MCC: variants seen among roughly 807,000 people sequenced by gnomAD.
The protein encoded by MCC is colorectal mutant cancer protein.
Under a neutral mutation model 116.2 loss-of-function variants are expected in MCC, and 90 were observed. That is an observed-to-expected ratio of 0.77 (90% CI 0.65 to 0.92). The LOEUF is 0.92. MCC is among the 40% of genes least tolerant of loss of function. MCC has a pLI of 0.00. For missense variants in MCC, 1,516 were observed against 1,312.2 expected, an observed-to-expected ratio of 1.16 and a Z score of -2.40; for synonymous variants, 578 against 510.5, an observed-to-expected ratio of 1.13 and a Z score of -1.78.
intron 13 of MCC, among the ~76,000 whole-genome samples, chr5:113,067,541 G>A (rs559050283): frequency 6.6e-6 from 1 of 152,334 alleles, no homozygotes; most frequent in South Asian, 2.1e-4. Flanking sequence ...GGAGGCTGAG[G>A]CAGGAGGATG....
chr5:113,361,032 T>C (rs1325086598), intron 2 of MCC, among the ~76,000 whole-genome samples: 1 of 152,238 alleles, frequency 6.6e-6, no homozygotes, highest in East Asian at 1.9e-4. Flanking sequence ...ATTTCTCATT[T>C]GGGACAAGAC....
chr5:113,415,190 G>T (rs1392672166), intron 1 of MCC, among the ~76,000 whole-genome samples: 1 of 152,138 alleles, frequency 6.6e-6, no homozygotes, highest in East Asian at 1.9e-4. Flanking sequence ...CTCTCTGGCT[G>T]CCCTTAACAT....
intron 1 of MCC, among the ~76,000 whole-genome samples, chr5:113,411,766 T>G (rs1769999366): frequency 6.6e-6 from 1 of 152,232 alleles, no homozygotes; most frequent in South Asian, 2.1e-4. Context: ...GCAGAAGCTC[T>G]TTAGTTTAAT....
At chr5:113,215,012 T>C (rs73244752) in intron 3 of MCC, among the ~76,000 whole-genome samples, 61 of 138,946 alleles carry the variant, frequency 4.4e-4, no homozygotes, top group African/African-American at 2.0e-3. Context: ...TTTCCCTTAC[T>C]TGGAACACAA....
chr5:113,221,597 T>C (rs1298978012), intron 3 of MCC, among the ~76,000 whole-genome samples: 1 of 152,240 alleles, frequency 6.6e-6, no homozygotes, highest in Non-Finnish European at 1.5e-5. Context: ...ATATTACTAT[T>C]GTAAAACCTA....
chr5:113,474,352 A>C (rs139918639), intron 1 of MCC, among the ~76,000 whole-genome samples: 1 of 152,186 alleles, frequency 6.6e-6, no homozygotes, highest in Non-Finnish European at 1.5e-5. Flanking sequence ...CTAGAAAAAA[A>C]TGAGAGGGTG....
intron 1 of MCC, among the ~76,000 whole-genome samples, chr5:113,481,465 G>C (rs191536861): frequency 1.3e-5 from 2 of 152,010 alleles, no homozygotes; most frequent in Non-Finnish European, 2.9e-5. Flanking sequence ...TTGGCCAGGC[G>C]CGGTGGCTCA....
chr5:113,073,121 G>A (rs1019249932), intron 11 of MCC, among the ~76,000 whole-genome samples: 1 of 150,754 alleles, frequency 6.6e-6, no homozygotes, highest in Non-Finnish European at 1.5e-5. Flanking sequence ...ATTTGTGTTA[G>A]TGTATTTTAT....
At chr5:113,364,193 T>A (rs10061331) in intron 2 of MCC, among the ~76,000 whole-genome samples, 1 of 140,392 alleles carries the variant, frequency 7.1e-6, no homozygotes, top group African/African-American at 2.6e-5. Flanking sequence ...ATTGCGTCAC[T>A]GCACTCCAGC....
At chr5:113,481,790 A>ATAT (rs1772385010) in intron 1 of MCC, among the ~76,000 whole-genome samples, 1 of 152,194 alleles carries the variant, frequency 6.6e-6, no homozygotes, top group South Asian at 2.1e-4. Flanking sequence ...TTGTTGAGTT[A>ATAT]TATAATTCAT....
rs114458329 is a variant in MCC at position 113,359,950 on chromosome 5, T to C, written c.416-19220A>G. ...GATTGCATTTTGGATCAATTTATCT[T>C]TCTCTTACAAGGCATATTAATGGAA... On this transcript the variant is annotated intron_variant, in intron 2 of 18. Transcript: ENST00000408903. 2.5e-3 allele frequency among the ~76,000 whole-genome samples: 387 copies of C among 152,334 alleles called. 2 individuals carry two copies. Among genetic ancestry groups the C allele is most frequent in the African/African-American group, 9.0e-3 (374 of 41,580 alleles).
intron 5 of MCC, among the ~76,000 whole-genome samples, chr5:113,142,186 C>A (rs570330854): frequency 6.8e-6 from 1 of 147,100 alleles, no homozygotes; most frequent in Non-Finnish European, 1.6e-5. Flanking sequence ...GGTGTTGGAA[C>A]AAAATGCATC....
chr5:113,055,051 G>T (rs969726160), intron 14 of MCC, among the ~76,000 whole-genome samples: 1 of 152,232 alleles, frequency 6.6e-6, no homozygotes, highest in Non-Finnish European at 1.5e-5. Flanking sequence ...TCTGAAGATG[G>T]CAGAGGAAAA....
intron 1 of MCC, among the ~76,000 whole-genome samples, chr5:113,429,367 C>G (rs1283386651): frequency 6.6e-6 from 1 of 152,032 alleles, no homozygotes; most frequent in Non-Finnish European, 1.5e-5. Context: ...AGCACATTAG[C>G]CAGCATCAAC....
At position 113,455,512 on chromosome 5, in the gene MCC, T is replaced by C. The variant is rs184465276; in HGVS notation, c.170+32733A>G. On this transcript the variant is annotated intron_variant, in intron 1 of 18. Coordinates refer to ENST00000408903, the MANE Select transcript of MCC (RefSeq NM_001085377.2). The stretch of plus-strand genomic sequence containing the variant: ...TTATCTGATAGGCATTTGCAAGAGA[T>C]GGACGCCATGTCAACTCCTCACAGC... 3.2e-3 allele frequency among the ~76,000 whole-genome samples: 484 copies of C among 152,348 alleles called. 1 individual carries two copies. Among genetic ancestry groups the C allele is most frequent in the South Asian group, 5.6e-3 (27 of 4,828 alleles).
intron 3 of MCC, among the ~76,000 whole-genome samples, chr5:113,292,687 A>C (rs780710915): frequency 6.6e-6 from 1 of 152,056 alleles, no homozygotes; most frequent in Non-Finnish European, 1.5e-5. Context: ...CTCTTCCTTC[A>C]CTCAGGGTTC....
chr5:113,049,363 C>CTCT, intron 15 of MCC, 64 bp from the exon 16 acceptor site: 6 of 1,389,434 alleles, frequency 4.3e-6, no homozygotes, highest in African/African-American at 1.4e-5. Context: ...CTGGCTGCTG[C>CTCT]CAAGTGGGTG....
intron 3 of MCC, among the ~76,000 whole-genome samples, chr5:113,249,766 A>G (rs1764723710): frequency 6.6e-6 from 1 of 152,192 alleles, no homozygotes; most frequent in Admixed American, 6.5e-5. Flanking sequence ...CTCACCCAGG[A>G]CCAGGGCAGG....
At chr5:113,093,462 T>C (rs1755785383) in intron 8 of MCC, among the ~76,000 whole-genome samples, 1 of 148,582 alleles carries the variant, frequency 6.7e-6, no homozygotes, top group South Asian at 2.1e-4. Context: ...TATCTATCTA[T>C]CTGTTGATCT....
Sources: gnomAD v4.1 joint callset for allele counts (sites outside exome capture counted in the v4.1 genomes callset) on GRCh38, gnomAD v4.1.1 for gene constraint, MANE v1.5 for transcripts, NCBI Gene and HGNC (gene_info 2026-07-23, HGNC 2026-07-21) for gene names.